XPR1: variants seen among roughly 807,000 people sequenced by gnomAD.
The protein encoded by XPR1 is xenotropic and polytropic retrovirus receptor 1.
Under a neutral mutation model 87.5 loss-of-function variants are expected in XPR1, and 28 were observed. The ratio of observed to expected loss-of-function variants is 0.32; its 90% CI spans 0.24 to 0.44. The LOEUF is 0.44. Among genes scored for constraint, XPR1 ranks in the 20% least tolerant of loss-of-function variants. The pLI, the probability that XPR1 is intolerant of heterozygous loss-of-function variation, is 1.00. For missense variants in XPR1, 559 were observed against 862.3 expected (o/e 0.65, Z 4.41); for synonymous variants, 300 against 306.1 (o/e 0.98, Z 0.21).
At chr1:180,866,203 C>T (rs533946984) in intron 12 of XPR1, among the ~76,000 whole-genome samples, 2 of 151,098 alleles carry the variant, frequency 1.3e-5, no homozygotes, top group Non-Finnish European at 2.9e-5. Flanking sequence ...TGGAGCAAGA[C>T]CCTGTCTTAA....
intron 2 of XPR1, among the ~76,000 whole-genome samples, chr1:180,686,493 C>G (rs1210260155): frequency 6.6e-6 from 1 of 152,080 alleles, no homozygotes; most frequent in African/African-American, 2.4e-5. Context: ...CTGTAGATGT[C>G]TATTAGGTCC....
intron 7 of XPR1, among the ~76,000 whole-genome samples, chr1:180,812,570 G>A (rs1247521932): frequency 6.6e-6 from 1 of 151,368 alleles, no homozygotes; most frequent in Non-Finnish European, 1.5e-5. Flanking sequence ...AATCTTATTG[G>A]TCTGTCTTCA....
Position 180,863,865 on chromosome 1 carries a change from C to T in XPR1, c.1659C>T (p.Tyr553=), listed in dbSNP as rs142966597. The T allele has an allele frequency of 1.3e-5, 20 of 1,594,848 alleles. No homozygotes were observed. The African/African-American group carries it at 2.4e-4, about 19-fold the overall frequency. Residue 553 remains tyrosine, a synonymous_variant, in exon 12 of 15, where the codon TAC becomes TAT. Coordinates refer to ENST00000367590, the MANE Select transcript of XPR1 (RefSeq NM_004736.4). ...CTTTCCTCCGGGAAGAGATTGTATA[C>T]CCCCAAAAAGTATGTATAAAGAGTG... is the stretch of plus-strand genomic sequence containing the variant. ...ENTFLREEIV[Y]PQKAYYYCAI... is the part of the protein sequence containing the mutation.
chr1:180,696,562 G>A (rs1356394931), intron 2 of XPR1, among the ~76,000 whole-genome samples: 1 of 151,882 alleles, frequency 6.6e-6, no homozygotes, highest in African/African-American at 2.4e-5. Context: ...AATGGTGAAA[G>A]TGGGCAGTTG....
chr1:180,656,489 T>TA lies in XPR1; in HGVS notation c.69+24219_69+24220insA, dbSNP rs1491187993. 2.4e-3 allele frequency among the ~76,000 whole-genome samples: 37 copies of TA among 15,716 alleles called. 2 individuals carry two copies. The highest frequency in any genetic ancestry group is 9.7e-3 in the African/African-American group (32 of 3,302). The allele number at this position is 15,716 out of a possible 152,430, so 10.3% of individuals were successfully genotyped here. On this transcript the variant is annotated intron_variant, in intron 1 of 14. Transcript: ENST00000367590. ...TAATATTTATACATTATATATAATA[T>TA]TTATATATTATATATAATATTTATA...
At chr1:180,804,072 G>A (rs1043917341) in intron 4 of XPR1, among the ~76,000 whole-genome samples, 3 of 150,692 alleles carry the variant, frequency 2.0e-5, no homozygotes, top group Non-Finnish European at 4.4e-5. Flanking sequence ...TGCAACCTCC[G>A]CCTCCTGGGT....
At chr1:180,704,607 A>G (rs891403119) in intron 2 of XPR1, among the ~76,000 whole-genome samples, 1 of 151,634 alleles carries the variant, frequency 6.6e-6, no homozygotes, top group African/African-American at 2.4e-5. Context: ...ATATTTTGGT[A>G]CAGTGCAGTT....
chr1:180,668,594 A>G (rs1051515334), intron 1 of XPR1, among the ~76,000 whole-genome samples: 1 of 152,046 alleles, frequency 6.6e-6, no homozygotes, highest in African/African-American at 2.4e-5. Flanking sequence ...AGGTTTTGGT[A>G]TGTTGTGTTT....
chr1:180,632,103 G>T lies in XPR1; in HGVS notation c.-99G>T. The T allele has an allele frequency of 7.0e-7, 1 of 1,437,172 alleles. No individual in the cohort carries two copies. Among genetic ancestry groups the T allele is most frequent in the Non-Finnish European group, 9.6e-7 (1 of 1,044,226 alleles). The allele number at this position is 1,437,172 out of a possible 1,614,324, so 89.0% of individuals were successfully genotyped here. A position where few individuals can be genotyped will look rare whatever the true frequency, so the allele number is the denominator to read the frequency against. On this transcript the variant is annotated 5_prime_UTR_variant, in exon 1 of 15. Coordinates refer to ENST00000367590, the MANE Select transcript of XPR1 (RefSeq NM_004736.4). ...CGGAGGAGGAGAGAAGCGCAGCGCCGCGCCGCGCCGGGGCCCATGTGGGGA... is the reference window on the plus strand; with the variant it reads ...CGGAGGAGGAGAGAAGCGCAGCGCCTCGCCGCGCCGGGGCCCATGTGGGGA...
At chr1:180,801,114 GATAGTTA>G (rs1044905495) in intron 3 of XPR1, among the ~76,000 whole-genome samples, 3 of 152,198 alleles carry the variant, frequency 2.0e-5, no homozygotes, top group Admixed American at 6.5e-5. Context: ...ACCTTGTTTT[GATAGTTA>G]AGTGCTGCCA....
At chr1:180,663,194 C>T (rs903163146) in intron 1 of XPR1, among the ~76,000 whole-genome samples, 1 of 152,124 alleles carries the variant, frequency 6.6e-6, no homozygotes, top group African/African-American at 2.4e-5. Context: ...GTGGATTGTT[C>T]GTTGGTGTTT....
At chr1:180,804,744 T>C (rs926938331) in intron 4 of XPR1, among the ~76,000 whole-genome samples, 2 of 152,162 alleles carry the variant, frequency 1.3e-5, no homozygotes, top group South Asian at 4.1e-4. Context: ...ATTCTATCAT[T>C]TGAAGACAAA....
intron 2 of XPR1, among the ~76,000 whole-genome samples, chr1:180,758,403 A>G (rs986463484): frequency 6.6e-6 from 1 of 152,300 alleles, no homozygotes; most frequent in East Asian, 1.9e-4. Context: ...CCACTGAAGT[A>G]TACACTTAAA....
At chr1:180,809,355 G>A (rs1214156941) in intron 6 of XPR1, among the ~76,000 whole-genome samples, 1 of 152,114 alleles carries the variant, frequency 6.6e-6, no homozygotes, top group African/African-American at 2.4e-5. Flanking sequence ...TGATGGTTTT[G>A]TAGACGTTTA....
At chr1:180,839,994 C>T (rs954733996) in intron 11 of XPR1, among the ~76,000 whole-genome samples, 21 of 151,600 alleles carry the variant, frequency 1.4e-4, no homozygotes, top group South Asian at 2.1e-4. Flanking sequence ...GAGGCCGAGG[C>T]GGGTGGATCA....
rs1244350322 is a variant in XPR1, at chr1:180,735,388, A to T, written c.122-52365A>T. 2.6e-5 allele frequency among the ~76,000 whole-genome samples: 4 copies of T among 152,214 alleles called. No homozygotes were observed. The East Asian group carries it at 5.8e-4, about 22-fold the overall frequency. On this transcript the variant is annotated intron_variant, in intron 2 of 14. Transcript: ENST00000367590. Reference sequence around the variant, plus strand: ...TGTATTCCAAACAAAAACAGACAACATCTGTTAATTCAATTGGGAAGACAA... The same window carrying T: ...TGTATTCCAAACAAAAACAGACAACTTCTGTTAATTCAATTGGGAAGACAA...
At chr1:180,747,138 TA>T (rs1357749665) in intron 2 of XPR1, among the ~76,000 whole-genome samples, 2 of 152,208 alleles carry the variant, frequency 1.3e-5, no homozygotes, top group Admixed American at 6.5e-5. Flanking sequence ...CACAACCATT[TA>T]GTGGATTTGA....
chr1:180,753,438 C>T (rs1195492706), intron 2 of XPR1, among the ~76,000 whole-genome samples: 1 of 151,950 alleles, frequency 6.6e-6, no homozygotes, highest in Non-Finnish European at 1.5e-5. Context: ...CCTGTAGTCC[C>T]AGCTACTCGG....
chr1:180,814,583 C>G (rs1327217307), intron 7 of XPR1, among the ~76,000 whole-genome samples: 1 of 152,118 alleles, frequency 6.6e-6, no homozygotes, highest in Non-Finnish European at 1.5e-5. Context: ...AGGGTTCATT[C>G]ATTCATTCAG....
Sources: gnomAD v4.1 joint callset for allele counts (sites outside exome capture counted in the v4.1 genomes callset) on GRCh38, gnomAD v4.1.1 for gene constraint, MANE v1.5 for transcripts, NCBI Gene and HGNC (gene_info 2026-07-23, HGNC 2026-07-21) for gene names.